HTR2C: variants seen among roughly 807,000 people sequenced by gnomAD.
HTR2C encodes the protein 5-hydroxytryptamine receptor 2C, also known as 5-hydroxytryptamine (serotonin) receptor 2C, G protein-coupled.
A neutral mutation model predicts 21.0 loss-of-function variants in HTR2C; 5 were observed. The ratio of observed to expected loss-of-function variants is 0.24; its 90% CI spans 0.12 to 0.50. HTR2C has a LOEUF of 0.50. Ranked by LOEUF, HTR2C falls within the 20% of genes least tolerant of loss-of-function variation. The pLI is 0.98. For synonymous variants in HTR2C, 150 were observed against 145.3 expected (o/e 1.03, Z -0.23); for missense variants, 271 against 371.2 (o/e 0.73, Z 2.22).
At chrX:114,786,843 TA>T (rs1414995982) in intron 4 of HTR2C, among the ~76,000 whole-genome samples, 4 of 111,322 alleles carry the variant, frequency 3.6e-5, no homozygotes, top group Non-Finnish European at 5.7e-5. Flanking sequence ...TTTATTAGTT[TA>T]AAAAAAGGTG....
At chrX:114,886,983 C>T (rs2071224577) in intron 5 of HTR2C, among the ~76,000 whole-genome samples, 1 of 111,361 alleles carries the variant, frequency 9.0e-6, no homozygotes. Flanking sequence ...AAGAGAAGCT[C>T]TCTAAAAGAA....
intron 5 of HTR2C, among the ~76,000 whole-genome samples, chrX:114,889,395 T>C (rs1852015675): frequency 2.7e-5 from 3 of 111,808 alleles, no homozygotes; most frequent in Non-Finnish European, 5.6e-5. Context: ...AGCCTCAAGG[T>C]CAGACAGAAG....
chrX:114,725,244 T>G (rs1215462338), intron 2 of HTR2C, among the ~76,000 whole-genome samples: 10 of 111,294 alleles, frequency 9.0e-5, no homozygotes, highest in Non-Finnish European at 1.9e-4. Flanking sequence ...TAAACTTCCC[T>G]TCTCGCTTCA....
chrX:114,790,752 T>G (rs2070222953), intron 4 of HTR2C, among the ~76,000 whole-genome samples: 1 of 112,206 alleles, frequency 8.9e-6, no homozygotes, highest in Non-Finnish European at 1.9e-5. Context: ...AAATAGATTA[T>G]GACATTTTGT....
At chrX:114,722,646 T>A (rs1187504202) in intron 2 of HTR2C, among the ~76,000 whole-genome samples, 1 of 105,766 alleles carries the variant, frequency 9.5e-6, no homozygotes, top group African/African-American at 3.4e-5. Context: ...ATATTGGCTG[T>A]GGGTTTGTCA....
intron 2 of HTR2C, among the ~76,000 whole-genome samples, chrX:114,689,024 C>A (rs1932017932): frequency 9.3e-6 from 1 of 107,904 alleles, no homozygotes; most frequent in South Asian, 4.1e-4. Flanking sequence ...TCCATTATAT[C>A]ATCCTTATGA....
At chrX:114,905,539 T>A (rs2071365437) in intron 5 of HTR2C, among the ~76,000 whole-genome samples, 1 of 111,539 alleles carries the variant, frequency 9.0e-6, no homozygotes, top group Admixed American at 9.6e-5. Context: ...TCTCTGAGAA[T>A]GCATTTCTGT....
At chrX:114,669,672 C>T (rs1277120690) in intron 2 of HTR2C, among the ~76,000 whole-genome samples, 1 of 111,596 alleles carries the variant, frequency 9.0e-6, no homozygotes, top group Non-Finnish European at 1.9e-5. Flanking sequence ...TCCAGCCTGG[C>T]GACACAGCGA....
chrX:114,889,303 T>C (rs2071242411), intron 5 of HTR2C, among the ~76,000 whole-genome samples: 1 of 111,539 alleles, frequency 9.0e-6, no homozygotes, highest in Admixed American at 9.6e-5. Flanking sequence ...TGCTAAGGAG[T>C]TCTGTGTTGC....
chrX:114,776,998 G>T lies in HTR2C; in HGVS notation c.349+45391G>T, dbSNP rs1322898868. The stretch of plus-strand genomic sequence containing the variant: ...CATATTACCTCAACTATCATCTGCT[G>T]AATTAAAACAGCACCAAAGCGTAAG... On this transcript the variant is annotated intron_variant, in intron 4 of 5. Coordinates refer to ENST00000276198, the MANE Select transcript of HTR2C (RefSeq NM_000868.4). Among the ~76,000 whole-genome samples, 4 of 111,999 alleles carry T rather than the reference G, an allele frequency of 3.6e-5. No individual in the cohort carries two copies. In the Admixed American group the frequency reaches 3.8e-4, roughly 11 times the overall value.
intron 1 of HTR2C, among the ~76,000 whole-genome samples, chrX:114,611,375 A>T (rs782774490): frequency 1.8e-5 from 2 of 112,217 alleles, no homozygotes; most frequent in East Asian, 5.6e-4. Flanking sequence ...GATGCGATGT[A>T]TAATTCTTGT....
At chrX:114,820,420 A>T (rs1381684617) in intron 4 of HTR2C, among the ~76,000 whole-genome samples, 1 of 110,028 alleles carries the variant, frequency 9.1e-6, no homozygotes, top group Non-Finnish European at 1.9e-5. Flanking sequence ...GGGAAATCTT[A>T]AAAAATGGCA....
intron 4 of HTR2C, among the ~76,000 whole-genome samples, chrX:114,738,097 C>A (rs1220282679): frequency 8.9e-6 from 1 of 111,748 alleles, no homozygotes; most frequent in Non-Finnish European, 1.9e-5. Flanking sequence ...GAGAGTAGAA[C>A]AGTGTCTTCC....
intron 4 of HTR2C, among the ~76,000 whole-genome samples, chrX:114,781,935 T>C (rs1264146180): frequency 1.8e-5 from 2 of 110,429 alleles, no homozygotes; most frequent in African/African-American, 3.3e-5. Flanking sequence ...TAGAATTTTC[T>C]GGAGATAATC....
At chrX:114,738,767 G>T (rs1240273528) in intron 4 of HTR2C, among the ~76,000 whole-genome samples, 3 of 108,241 alleles carry the variant, frequency 2.8e-5, no homozygotes, top group Middle Eastern at 4.7e-3. Context: ...TAACAAACCT[G>T]CACATTCTTC....
At chrX:114,605,132 C>T (rs1349950856) in intron 1 of HTR2C, among the ~76,000 whole-genome samples, 7 of 111,542 alleles carry the variant, frequency 6.3e-5, no homozygotes, top group African/African-American at 2.0e-4. Context: ...AGAGCCTAAA[C>T]GCTATCTGAT....
At chrX:114,695,139 G>T (rs887201106) in intron 2 of HTR2C, among the ~76,000 whole-genome samples, 1 of 111,749 alleles carries the variant, frequency 8.9e-6, no homozygotes, top group African/African-American at 3.3e-5. Context: ...GTAGAAATTT[G>T]GTATGCTTTT....
chrX:114,848,202 A>G lies in HTR2C; in HGVS notation c.549A>G (p.Ile183Met). The G allele has an allele frequency of 8.3e-7, 1 of 1,201,816 alleles. No individual in the cohort carries two copies. Among genetic ancestry groups the G allele is most frequent in the Non-Finnish European group, 1.1e-6 (1 of 887,114 alleles). The change falls in exon 5 of 6, where the codon ATA becomes ATG. Residue 183 changes from isoleucine (I) to methionine (M), a missense_variant and splice_region_variant. By Grantham distance (10) the Ile-to-Met change is conservative. Transcript: ENST00000276198. ...TTGCTATTGTTTGGGCAATTTCTAT[A>G]GGTAAATAAAACTTTTTGGCCATAA... ...MKIAIVWAIS[I>M]GVSVPIPVIG...
At chrX:114,829,466 GA>G (rs781821537) in intron 4 of HTR2C, among the ~76,000 whole-genome samples, 1 of 102,901 alleles carries the variant, frequency 9.7e-6, no homozygotes, top group East Asian at 3.2e-4. Flanking sequence ...CTCTGATGCA[GA>G]AAAAATTTTT....
Sources: gnomAD v4.1 joint callset for allele counts (sites outside exome capture counted in the v4.1 genomes callset) on GRCh38, gnomAD v4.1.1 for gene constraint, MANE v1.5 for transcripts, NCBI Gene and HGNC (gene_info 2026-07-23, HGNC 2026-07-21) for gene names.